Variants in DST observed in about 807,000 individuals in gnomAD.
DST encodes the protein bullous pemphigoid antigen.
In DST, 253 loss-of-function variants were observed where a neutral mutation model predicts 875.2. The observed-to-expected ratio is 0.29, with a 90% confidence interval of 0.26 to 0.32. The LOEUF (loss-of-function observed/expected upper bound fraction) is 0.32, where lower values mean the gene tolerates loss of function less well. DST is among the 10% of genes least tolerant of loss of function. The pLI is 1.00. For synonymous variants in DST, 3,124 were observed against 3,197.1 expected (o/e 0.98, Z 0.77); for missense variants, 8,287 against 9,111.6 (o/e 0.91, Z 3.68).
Position 56,614,478 on chromosome 6 carries a change from G to A in DST, c.4936C>T (p.Leu1646=). 6.2e-7 allele frequency: 1 copy of A among 1,603,164 alleles called. No individual in the cohort carries two copies. Among genetic ancestry groups the A allele is most frequent in the Non-Finnish European group, 8.5e-7 (1 of 1,175,310 alleles). Residue 1646 remains leucine, a synonymous_variant, in exon 37 of 104, where the codon CTG becomes TTG. Coordinates refer to ENST00000680361, the MANE Select transcript of DST (RefSeq NM_001374736.1). ...ACATGTTCTTTCTTTTCTTCTTCCA[G>A]TGACTTCTGACAGTTGTGAGCGGTA... is the stretch of plus-strand genomic sequence containing the variant. ...LKRLEEEEKS[L]EEEKKEHVEK... is the part of the protein sequence containing the mutation.
At chr6:56,919,001 T>A (rs1802740431) in intron 2 of DST, among the ~76,000 whole-genome samples, 1 of 152,182 alleles carries the variant, frequency 6.6e-6, no homozygotes, top group Admixed American at 6.5e-5. Context: ...TAAGCCATTT[T>A]TTTCTCCGAA....
chr6:56,554,073 C>CTTTTTTTT (rs555704557), intron 60 of DST, among the ~76,000 whole-genome samples: 3 of 80,824 alleles, frequency 3.7e-5, no homozygotes, highest in Non-Finnish European at 7.2e-5. Flanking sequence ...GCGTCTATGA[C>CTTTTTTTT]TTTTTTTTTT....
chr6:56,584,431 G>A lies in DST; in HGVS notation c.12904-5494C>T, dbSNP rs1288073086. ...GTGTATAGGAATGCTTGTGATTTTT[G>A]TACATTGATTTTGTATCCTGAGACT... On this transcript the variant is annotated intron_variant, in intron 49 of 103. Coordinates refer to ENST00000680361, the MANE Select transcript of DST (RefSeq NM_001374736.1). Among the ~76,000 whole-genome samples, 19 of 151,790 alleles carry A rather than the reference G, an allele frequency of 1.3e-4. 1 individual carries two copies. Among genetic ancestry groups the A allele is most frequent in the African/African-American group, 3.4e-4 (14 of 41,088 alleles).
chr6:56,742,256 T>G (rs1246402000), intron 4 of DST: 1 of 1,272,268 alleles, frequency 7.9e-7, no homozygotes, highest in Non-Finnish European at 1.0e-6. Context: ...TGATAGTATA[T>G]GTGATACTAC....
intron 85 of DST, among the ~76,000 whole-genome samples, chr6:56,490,010 T>TA (rs2095682593): frequency 6.6e-6 from 1 of 152,282 alleles, no homozygotes; most frequent in East Asian, 1.9e-4. Flanking sequence ...GGTTTACTTC[T>TA]AGGGAATTTA....
chr6:56,490,790 T>C (rs1254769174), intron 85 of DST, among the ~76,000 whole-genome samples: 5 of 152,174 alleles, frequency 3.3e-5, no homozygotes, highest in African/African-American at 1.2e-4. Flanking sequence ...GTAAGGTCAA[T>C]GATACAAACG....
intron 2 of DST, among the ~76,000 whole-genome samples, chr6:56,938,909 C>G (rs1814742952): frequency 6.6e-6 from 1 of 152,238 alleles, no homozygotes; most frequent in Non-Finnish European, 1.5e-5. Context: ...AAGCCTGACT[C>G]AGACCAGACC....
At chr6:56,692,060 C>T (rs956227736) in intron 9 of DST, among the ~76,000 whole-genome samples, 3 of 152,166 alleles carry the variant, frequency 2.0e-5, no homozygotes, top group Admixed American at 6.6e-5. Flanking sequence ...TAAGCTTCCA[C>T]AGGCTATTCC....
chr6:56,824,779 C>T (rs565948111), intron 4 of DST, among the ~76,000 whole-genome samples: 1,996 of 152,078 alleles, frequency 0.013, 20 homozygotes, highest in South Asian at 0.031. Flanking sequence ...GCAGCTGCCC[C>T]GTCTGAGAAG....
chr6:56,657,160 A>G (rs2099012985), intron 10 of DST, among the ~76,000 whole-genome samples: 1 of 152,096 alleles, frequency 6.6e-6, no homozygotes, highest in South Asian at 2.1e-4. Context: ...TGTATTGGGG[A>G]AAAAACATCC....
chr6:56,642,296 T>C, intron 16 of DST, 114 bp downstream of exon 16: 1 of 912,196 alleles, frequency 1.1e-6, no homozygotes, highest in Non-Finnish European at 1.8e-6. Flanking sequence ...AAACTTTAAG[T>C]TTCAGTGGAG....
chr6:56,718,075 T>TTAAATAAA (rs58579678), intron 5 of DST, among the ~76,000 whole-genome samples: 142 of 151,388 alleles, frequency 9.4e-4, no homozygotes, highest in Non-Finnish European at 1.5e-3. Context: ...AAACCTTGTC[T>TTAAATAAA]TAAATAAATA....
intron 61 of DST, among the ~76,000 whole-genome samples, chr6:56,544,339 A>C (rs2097187381): frequency 6.6e-6 from 1 of 152,220 alleles, no homozygotes; most frequent in Non-Finnish European, 1.5e-5. Context: ...TCCTTACAGA[A>C]CTTTTCATAA....
chr6:56,464,555 C>T lies in DST; in HGVS notation c.22759+130G>A, dbSNP rs59646136. The T allele has an allele frequency of 3.2e-3, 2,210 of 680,466 alleles. 38 individuals are homozygous for T. The African/African-American group carries it at 0.034, about 10-fold the overall frequency. The allele number at this position is 680,466 out of a possible 1,614,324, so 42.2% of individuals were successfully genotyped here. A position where few individuals can be genotyped will look rare whatever the true frequency, so the allele number is the denominator to read the frequency against. On this transcript the variant is annotated intron_variant, in intron 100 of 103. Coordinates refer to ENST00000680361, the MANE Select transcript of DST (RefSeq NM_001374736.1). Reference sequence around the variant, plus strand: ...GAATTTAAATTTGGAAGCACCAGCTCAGCTGGATATGAGTTAAGCCATACG... The same window carrying T: ...GAATTTAAATTTGGAAGCACCAGCTTAGCTGGATATGAGTTAAGCCATACG...
chr6:56,758,218 G>A (rs989182453), intron 4 of DST, among the ~76,000 whole-genome samples: 2 of 152,210 alleles, frequency 1.3e-5, no homozygotes, highest in Non-Finnish European at 2.9e-5. Flanking sequence ...TGAGCTAGAT[G>A]TGGCTATGTT....
At chr6:56,673,086 C>T (rs1466460352) in intron 9 of DST, among the ~76,000 whole-genome samples, 1 of 151,688 alleles carries the variant, frequency 6.6e-6, no homozygotes, top group Non-Finnish European at 1.5e-5. Flanking sequence ...GAGACCCTGT[C>T]TCTATTAAAA....
chr6:56,603,313 A>C lies in DST; in HGVS notation c.11049T>G (p.Val3683=). The stretch of plus-strand genomic sequence containing the variant: ...TCTGGTGGCTAATACTCAATTCTTC[A>C]ACATGGCCTCTGGGAAAGTCACTGG... The part of the protein sequence containing the change: ...SLPSDFPRGH[V]EELSISHQSL... The change falls in exon 42 of 104, where the codon GTT becomes GTG. Residue 3683 remains valine, a synonymous_variant. Coordinates refer to ENST00000680361, the MANE Select transcript of DST (RefSeq NM_001374736.1). 6.2e-7 allele frequency: 1 copy of C among 1,611,114 alleles called. No homozygotes were observed. The highest frequency in any genetic ancestry group is 8.5e-7 in the Non-Finnish European group (1 of 1,179,032).
Position 56,618,061 on chromosome 6 carries a change from G to T in DST, c.4930-3577C>A, listed in dbSNP as rs1586783710. 1 of 1,614,130 alleles carries T rather than the reference G, an allele frequency of 6.2e-7. No individual in the cohort carries two copies. On this transcript the variant is annotated intron_variant, in intron 36 of 103. Coordinates refer to ENST00000680361, the MANE Select transcript of DST (RefSeq NM_001374736.1). ...GATACCTAACAGGTGGTCTAGAATT[G>T]TTCAGGGCTTGGTCTCTTATCTTCT...
intron 61 of DST, among the ~76,000 whole-genome samples, chr6:56,537,234 C>T (rs2097023693): frequency 6.6e-6 from 1 of 152,224 alleles, no homozygotes; most frequent in South Asian, 2.1e-4. Context: ...TTTATTGCTT[C>T]ATTATCATAG....
Sources: gnomAD v4.1 joint callset for allele counts (sites outside exome capture counted in the v4.1 genomes callset) on GRCh38, gnomAD v4.1.1 for gene constraint, MANE v1.5 for transcripts, NCBI Gene and HGNC (gene_info 2026-07-23, HGNC 2026-07-21) for gene names.